Variants in PTPRT observed in about 807,000 individuals in gnomAD.
PTPRT encodes protein tyrosine phosphatase receptor type T.
A neutral mutation model predicts 176.8 loss-of-function variants in PTPRT; 56 were observed. The ratio of observed to expected loss-of-function variants is 0.32; its 90% CI spans 0.26 to 0.40. The LOEUF is 0.40. Ranked by LOEUF, PTPRT falls within the 10% of genes least tolerant of loss-of-function variation. PTPRT has a pLI of 1.00. For synonymous variants in PTPRT, 783 were observed against 739.0 expected (o/e 1.06, Z -0.96); for missense variants, 1,540 against 1,908.2 (o/e 0.81, Z 3.60).
intron 2 of PTPRT, among the ~76,000 whole-genome samples, chr20:42,876,375 A>G (rs1225921733): frequency 6.6e-6 from 1 of 152,206 alleles, no homozygotes; most frequent in African/African-American, 2.4e-5. Flanking sequence ...CAATCTGAGA[A>G]TAGATTACAT....
intron 1 of PTPRT, among the ~76,000 whole-genome samples, chr20:42,976,379 T>C (rs1982949821): frequency 6.6e-6 from 1 of 152,016 alleles, no homozygotes; most frequent in Non-Finnish European, 1.5e-5. Flanking sequence ...ATTAATTGTA[T>C]TTAAAGTATA....
intron 7 of PTPRT, among the ~76,000 whole-genome samples, chr20:42,668,041 G>T (rs945761839): frequency 1.3e-5 from 2 of 152,174 alleles, no homozygotes; most frequent in Admixed American, 6.5e-5. Context: ...GAACTTCTAA[G>T]TAACACATAG....
chr20:42,197,002 T>C (rs2146665776), intron 16 of PTPRT, among the ~76,000 whole-genome samples: 1 of 152,234 alleles, frequency 6.6e-6, no homozygotes, highest in Non-Finnish European at 1.5e-5. Context: ...TGCCAAAATG[T>C]GTAACCTGAA....
At chr20:42,270,321 TG>T in intron 13 of PTPRT, 1 of 1,374,360 alleles carries the variant, frequency 7.3e-7, no homozygotes, top group Non-Finnish European at 1.0e-6. Flanking sequence ...GATTCCTCTC[TG>T]GTGCACCTGG....
intron 9 of PTPRT, among the ~76,000 whole-genome samples, chr20:42,361,606 C>T (rs13045970): frequency 0.096 from 14,634 of 152,200 alleles, 753 homozygotes; most frequent in Non-Finnish European, 0.12. Context: ...TGTGAGCAAA[C>T]GCAGGGTGCA....
intron 13 of PTPRT, among the ~76,000 whole-genome samples, chr20:42,280,588 G>T (rs1407252281): frequency 6.6e-6 from 1 of 152,158 alleles, no homozygotes; most frequent in Non-Finnish European, 1.5e-5. Flanking sequence ...TACTTTACCT[G>T]CATACACACT....
intron 7 of PTPRT, among the ~76,000 whole-genome samples, chr20:42,475,762 C>G (rs2071278060): frequency 6.6e-6 from 1 of 152,200 alleles, no homozygotes. Context: ...CTCCCTGGAG[C>G]TCACCTCTGG....
chr20:42,742,839 G>A (rs1272878985), intron 6 of PTPRT, among the ~76,000 whole-genome samples: 1 of 152,154 alleles, frequency 6.6e-6, no homozygotes, highest in Non-Finnish European at 1.5e-5. Flanking sequence ...GAGAAACTGA[G>A]GCTCAGTCAC....
chr20:43,116,915 CA>C (rs995919446), intron 1 of PTPRT, among the ~76,000 whole-genome samples: 2 of 152,126 alleles, frequency 1.3e-5, no homozygotes, highest in African/African-American at 4.8e-5. Context: ...TGACCCAAAA[CA>C]AAAACATTCG....
chr20:42,333,716 T>C (rs1200277033), intron 11 of PTPRT, among the ~76,000 whole-genome samples: 1 of 152,188 alleles, frequency 6.6e-6, no homozygotes, highest in Non-Finnish European at 1.5e-5. Flanking sequence ...TCTCGCTTTG[T>C]CACCCAGGCT....
At chr20:42,048,235 T>C in the PTPRT span, among the ~76,000 whole-genome samples, 1 of 152,186 alleles carries the variant, frequency 6.6e-6, no homozygotes, top group Non-Finnish European at 1.5e-5. Flanking sequence ...CAGTTCTTCC[T>C]GAGTATGGGG....
chr20:43,123,940 T>C (rs1307316667), intron 1 of PTPRT, among the ~76,000 whole-genome samples: 3 of 152,240 alleles, frequency 2.0e-5, no homozygotes, highest in Non-Finnish European at 2.9e-5. Flanking sequence ...TATTACCTTG[T>C]TCAGACATGC....
chr20:42,253,525 GGGGATTTGGGAACTGGGAGAAGGAGGA>G (rs1185270737), intron 13 of PTPRT, among the ~76,000 whole-genome samples: 1 of 152,136 alleles, frequency 6.6e-6, no homozygotes, highest in Admixed American at 6.5e-5. Flanking sequence ...AGCAGGGCCT[GGGGATTTGGGAACTGGGAGAAGGAGGA>G]GGGATTTGGG....
chr20:42,629,776 A>G (rs2074369133), intron 7 of PTPRT, among the ~76,000 whole-genome samples: 1 of 152,202 alleles, frequency 6.6e-6, no homozygotes, highest in South Asian at 2.1e-4. Flanking sequence ...ACCAGGCAGT[A>G]GTAATAAGGG....
intron 1 of PTPRT, among the ~76,000 whole-genome samples, chr20:43,097,440 C>T (rs976714911): frequency 2.6e-5 from 4 of 152,166 alleles, no homozygotes; most frequent in African/African-American, 9.7e-5. Context: ...AGTTAATGGC[C>T]ACAGAACATT....
chr20:42,174,664 C>T (rs6102705), intron 16 of PTPRT, among the ~76,000 whole-genome samples: 1,588 of 152,194 alleles, frequency 0.01, 25 homozygotes, highest in African/African-American at 0.034. Flanking sequence ...TTGAGGAAAA[C>T]GGCAAGTCCA....
At chr20:42,083,073 C>CCTT (rs1983502301) in intron 29 of PTPRT, among the ~76,000 whole-genome samples, 1 of 139,654 alleles carries the variant, frequency 7.2e-6, no homozygotes, top group African/African-American at 2.8e-5. Flanking sequence ...GCTCAAACTA[C>CCTT]TGGCCACCTT....
chr20:42,358,923 A>G (rs6072698), intron 9 of PTPRT, among the ~76,000 whole-genome samples: 39,953 of 152,204 alleles, frequency 0.26, 5,642 homozygotes, highest in African/African-American at 0.33. Context: ...GAAGCCTTTA[A>G]TGAACTACTC....
chr20:42,783,639 C>T (rs2077247186), intron 3 of PTPRT, among the ~76,000 whole-genome samples: 1 of 152,124 alleles, frequency 6.6e-6, no homozygotes, highest in South Asian at 2.1e-4. Flanking sequence ...GGACAGACAC[C>T]ACAAGGGGAC....
Sources: gnomAD v4.1 joint callset for allele counts (sites outside exome capture counted in the v4.1 genomes callset) on GRCh38, gnomAD v4.1.1 for gene constraint, MANE v1.5 for transcripts, NCBI Gene and HGNC (gene_info 2026-07-23, HGNC 2026-07-21) for gene names.